Variants in MSRA observed in about 807,000 individuals in gnomAD.
MSRA encodes the protein mitochondrial peptide methionine sulfoxide reductase.
In MSRA, 54 loss-of-function variants were observed where a neutral mutation model predicts 31.3. The ratio of observed to expected loss-of-function variants is 1.73; its 90% CI spans 1.39 to 2.17. MSRA has a LOEUF of 2.17. Ranked by LOEUF, MSRA falls within the 30% of genes most tolerant of loss-of-function variation. MSRA has a pLI of 0.00. For synonymous variants in MSRA, 169 were observed against 116.5 expected, an observed-to-expected ratio of 1.45 and a Z score of -2.90; for missense variants, 507 against 300.9, an observed-to-expected ratio of 1.69 and a Z score of -5.07.
At chr8:10,323,785 T>C (rs1354328623) in intron 5 of MSRA, among the ~76,000 whole-genome samples, 6 of 151,420 alleles carry the variant, frequency 4.0e-5, no homozygotes, top group Admixed American at 2.6e-4. Context: ...TCTGTGTCTG[T>C]CTGTCTGCAT....
rs1809539594 is a variant in MSRA at position 10,211,972 on chromosome 8, G to T, written c.211+4071G>T. 3.9e-5 allele frequency among the ~76,000 whole-genome samples: 6 copies of T among 152,148 alleles called. No individual in the cohort carries two copies. The South Asian group carries it at 1.0e-3, about 26-fold the overall frequency. On this transcript the variant is annotated intron_variant, in intron 2 of 5. Coordinates refer to ENST00000317173, the MANE Select transcript of MSRA (RefSeq NM_012331.5). ...AATTTAAAAGGGTGGAAAATGGAGGGCAGGGGATTCCAAGCTTAATTTGTG... is the reference window on the plus strand; with the variant it reads ...AATTTAAAAGGGTGGAAAATGGAGGTCAGGGGATTCCAAGCTTAATTTGTG...
chr8:10,330,044 G>GTGTC (rs1443992652), intron 5 of MSRA, among the ~76,000 whole-genome samples: 1 of 134,258 alleles, frequency 7.4e-6, no homozygotes, highest in Non-Finnish European at 1.6e-5. Context: ...GTGTGTGTGT[G>GTGTC]ATCAAAAAGC....
intron 5 of MSRA, among the ~76,000 whole-genome samples, chr8:10,378,668 G>C (rs994272259): frequency 2.6e-4 from 39 of 152,324 alleles, no homozygotes; most frequent in African/African-American, 8.7e-4. Context: ...TCAACAGCCA[G>C]TGATTCTCAA....
chr8:10,078,409 C>G (rs1481059480), intron 1 of MSRA, among the ~76,000 whole-genome samples: 2 of 152,216 alleles, frequency 1.3e-5, no homozygotes, highest in African/African-American at 2.4e-5. Context: ...GTCCTGTAGG[C>G]TCACTGGGGA....
intron 5 of MSRA, among the ~76,000 whole-genome samples, chr8:10,410,282 C>T (rs532045481): frequency 6.6e-6 from 1 of 152,198 alleles, no homozygotes. Context: ...CTTCCAAGGA[C>T]CAAAAATCTG....
intron 4 of MSRA, among the ~76,000 whole-genome samples, chr8:10,303,383 A>G (rs1800951885): frequency 6.6e-6 from 1 of 152,104 alleles, no homozygotes; most frequent in Non-Finnish European, 1.5e-5. Context: ...GGGGAATACT[A>G]CTATGATGAG....
At chr8:10,418,711 C>G (rs1050644043) in intron 5 of MSRA, among the ~76,000 whole-genome samples, 1 of 145,562 alleles carries the variant, frequency 6.9e-6, no homozygotes, top group Admixed American at 7.3e-5. Context: ...CTAAGGACTT[C>G]TAGAGATAGT....
At chr8:10,256,777 A>C (rs1798205381) in intron 3 of MSRA, among the ~76,000 whole-genome samples, 1 of 152,030 alleles carries the variant, frequency 6.6e-6, no homozygotes, top group Non-Finnish European at 1.5e-5. Flanking sequence ...TGTCCCCCCG[A>C]GGCGAAGCTA....
chr8:10,081,104 C>T (rs941503023), intron 1 of MSRA, among the ~76,000 whole-genome samples: 1 of 152,200 alleles, frequency 6.6e-6, no homozygotes, highest in South Asian at 2.1e-4. Context: ...ACACAGCAGG[C>T]CTGTCTGGGC....
intron 1 of MSRA, among the ~76,000 whole-genome samples, chr8:10,140,229 A>G (rs190737462): frequency 1.0e-3 from 153 of 152,306 alleles, no homozygotes; most frequent in Non-Finnish European, 1.8e-3. Flanking sequence ...GTGTATTCAT[A>G]GATGTGGTTG....
chr8:10,298,294 A>G (rs1800651732), intron 3 of MSRA, among the ~76,000 whole-genome samples: 2 of 152,198 alleles, frequency 1.3e-5, no homozygotes, highest in Admixed American at 1.3e-4. Context: ...TCAGCCCTAA[A>G]AAGGAAGAAA....
chr8:10,210,236 C>T (rs1366965384), intron 2 of MSRA, among the ~76,000 whole-genome samples: 1 of 152,174 alleles, frequency 6.6e-6, no homozygotes, highest in Non-Finnish European at 1.5e-5. Flanking sequence ...CCTAGCGAGG[C>T]CATGTGACTT....
At chr8:10,109,596 C>T (rs1800134559) in intron 1 of MSRA, among the ~76,000 whole-genome samples, 2 of 152,160 alleles carry the variant, frequency 1.3e-5, no homozygotes, top group Non-Finnish European at 2.9e-5. Context: ...CCCATCTTGG[C>T]CTCCCAAAGT....
At chr8:10,334,162 A>AGG (rs1305089265) in intron 5 of MSRA, among the ~76,000 whole-genome samples, 4 of 141,698 alleles carry the variant, frequency 2.8e-5, no homozygotes, top group South Asian at 4.9e-4. Context: ...ACTAACATAT[A>AGG]GGGGTGTGTG....
At chr8:10,261,749 C>A (rs4504639) in intron 3 of MSRA, among the ~76,000 whole-genome samples, 128,480 of 151,816 alleles carry the variant, frequency 0.85, 55,220 homozygotes, top group East Asian at 0.96. Flanking sequence ...ATTCGGGTTC[C>A]CTTTTGGTGG....
At chr8:10,253,145 C>G (rs1447122124) in intron 3 of MSRA, among the ~76,000 whole-genome samples, 1 of 152,168 alleles carries the variant, frequency 6.6e-6, no homozygotes, top group African/African-American at 2.4e-5. Flanking sequence ...TCCTGCTGTC[C>G]TCGAATGGTA....
chr8:10,184,666 C>T (rs543586976), intron 1 of MSRA, among the ~76,000 whole-genome samples: 1 of 152,240 alleles, frequency 6.6e-6, no homozygotes, highest in Admixed American at 6.5e-5. Flanking sequence ...GTCCATCTCC[C>T]CATTTGTTTT....
chr8:10,055,382 TAA>T (rs1802292480), intron 1 of MSRA, among the ~76,000 whole-genome samples: 1 of 152,240 alleles, frequency 6.6e-6, no homozygotes, highest in Non-Finnish European at 1.5e-5. Context: ...TAAACTGCTA[TAA>T]AAGTTTTCAA....
In MSRA at chr8:10,194,294, C is replaced by A. The variant is rs899499329; in HGVS notation, c.143-13539C>A. On this transcript the variant is annotated intron_variant, in intron 1 of 5. Transcript: ENST00000317173. The stretch of plus-strand genomic sequence containing the variant: ...AAAAGAAGATAATTAAGGCTAGCCT[C>A]CATGGCTCCTGCCTGTAATCCCAGC... Among the ~76,000 whole-genome samples, 21 of 152,340 alleles carry A rather than the reference C, an allele frequency of 1.4e-4. 1 individual carries two copies. Among genetic ancestry groups the A allele is most frequent in the Admixed American group, 1.4e-3 (21 of 15,310 alleles).
Sources: allele counts gnomAD v4.1 joint callset (sites outside exome capture counted in the v4.1 genomes callset), GRCh38; gene constraint gnomAD v4.1.1; transcripts MANE v1.5; gene names NCBI Gene and HGNC (gene_info 2026-07-23, HGNC 2026-07-21).